Variants in LCOR observed in about 807,000 individuals in gnomAD.
LCOR encodes the protein ligand dependent nuclear receptor corepressor.
A neutral mutation model predicts 64.4 loss-of-function variants in LCOR; 14 were observed. The observed-to-expected ratio is 0.22, with a 90% confidence interval of 0.14 to 0.34. LCOR has a LOEUF of 0.34. Ranked by LOEUF, LCOR falls within the 10% of genes least tolerant of loss-of-function variation. LCOR has a pLI of 1.00. For synonymous variants in LCOR, 643 were observed against 642.5 expected (o/e 1.00, Z -0.01); for missense variants, 1,686 against 1,765.3 (o/e 0.96, Z 0.80).
intron 2 of LCOR, among the ~76,000 whole-genome samples, chr10:96,896,394 A>G (rs1392061058): frequency 2.6e-5 from 4 of 152,082 alleles, no homozygotes; most frequent in Non-Finnish European, 5.9e-5. Context: ...TTGCAAAGTA[A>G]TTTTATTAGT....
chr10:96,949,752 GAGAA>G (rs1335007203), intron 6 of LCOR, among the ~76,000 whole-genome samples: 4 of 152,138 alleles, frequency 2.6e-5, no homozygotes, highest in African/African-American at 7.2e-5. Context: ...TTCGAATTTT[GAGAA>G]AGAAACTGCT....
chr10:96,876,931 G>T (rs1392314299), intron 2 of LCOR, among the ~76,000 whole-genome samples: 2 of 152,152 alleles, frequency 1.3e-5, no homozygotes, highest in Non-Finnish European at 2.9e-5. Flanking sequence ...CTGACCTCAG[G>T]TGATCCACCT....
intron 4 of LCOR, among the ~76,000 whole-genome samples, chr10:96,941,200 A>C (rs1246190179): frequency 9.1e-4 from 57 of 62,930 alleles, no homozygotes; most frequent in African/African-American, 1.7e-3. Context: ...TGACCCCCCC[A>C]CCTCCCTCCC....
Position 96,981,653 on chromosome 10 carries a change from C to T in LCOR, c.1193C>T (p.Ser398Phe), listed in dbSNP as rs1848087972. The change falls in exon 8 of 8, where the codon TCT (serine) becomes TTT (phenylalanine). Residue 398 changes from serine (S) to phenylalanine (F), a missense_variant. Transcript: ENST00000421806. ...ARPKQENHLH[S>F]LGRNKVGYHL... is the part of the protein sequence containing the mutation. ...CCAAAGCAAGAGAACCATCTTCACT[C>T]TCTGGGAAGAAATAAGGTGGGTTAC... 5 of 1,614,218 alleles carry T rather than the reference C, an allele frequency of 3.1e-6. No homozygotes were observed. The highest frequency in any genetic ancestry group is 1.3e-5 in the African/African-American group (1 of 75,058).
chr10:96,847,439 CTTAT>C (rs993617449), intron 2 of LCOR, among the ~76,000 whole-genome samples: 27 of 149,392 alleles, frequency 1.8e-4, no homozygotes, highest in African/African-American at 5.6e-4. Context: ...TATTTACTTA[CTTAT>C]TTATTTATTT....
chr10:96,899,468 G>A (rs1251409855), intron 2 of LCOR, among the ~76,000 whole-genome samples: 1 of 151,954 alleles, frequency 6.6e-6, no homozygotes, highest in African/African-American at 2.4e-5. Flanking sequence ...GTAATGCATA[G>A]TTATTTTGAT....
intron 2 of LCOR, among the ~76,000 whole-genome samples, chr10:96,855,346 C>T (rs1845784928): frequency 8.9e-6 from 1 of 112,428 alleles, no homozygotes; most frequent in South Asian, 2.2e-4. Context: ...CCGATAATTA[C>T]CTTTTTTGCT....
At chr10:96,844,566 T>C (rs1180731614) in intron 2 of LCOR, among the ~76,000 whole-genome samples, 1 of 152,222 alleles carries the variant, frequency 6.6e-6, no homozygotes, top group East Asian at 1.9e-4. Context: ...CCTTGCCTCC[T>C]TCTCTTCAGC....
At chr10:96,874,622 G>A (rs1161841463) in intron 2 of LCOR, among the ~76,000 whole-genome samples, 1 of 151,878 alleles carries the variant, frequency 6.6e-6, no homozygotes, top group Non-Finnish European at 1.5e-5. Flanking sequence ...TACATGTAGA[G>A]TACCCTATGA....
chr10:96,950,562 GA>G (rs1178184840), intron 6 of LCOR, among the ~76,000 whole-genome samples: 1 of 152,046 alleles, frequency 6.6e-6, no homozygotes, highest in Non-Finnish European at 1.5e-5. Context: ...AACATAAAAT[GA>G]TACCACTTAA....
chr10:96,939,737 G>T (rs1564632010), intron 4 of LCOR, among the ~76,000 whole-genome samples: 1 of 152,224 alleles, frequency 6.6e-6, no homozygotes, highest in Admixed American at 6.5e-5. Context: ...GCCGAGGCGG[G>T]CGGATCACAA....
chr10:96,937,664 T>C (rs1847374330), intron 4 of LCOR, among the ~76,000 whole-genome samples: 1 of 152,272 alleles, frequency 6.6e-6, no homozygotes, highest in South Asian at 2.1e-4. Context: ...CACTGGCATA[T>C]TCTGTCAGAC....
intron 4 of LCOR, among the ~76,000 whole-genome samples, chr10:96,909,135 C>CT (rs1453599239): frequency 6.6e-6 from 1 of 152,008 alleles, no homozygotes; most frequent in Non-Finnish European, 1.5e-5. Flanking sequence ...TCTTAGTCTT[C>CT]TTCAGTCTCT....
intron 4 of LCOR, among the ~76,000 whole-genome samples, chr10:96,940,386 G>A (rs1250177756): frequency 8.7e-6 from 1 of 115,122 alleles, no homozygotes; most frequent in Non-Finnish European, 1.7e-5. Flanking sequence ...AGGGTCATAG[G>A]ACAACAGTGG....
chr10:96,961,720 G>A (rs960511629), intron 7 of LCOR: 1 of 152,040 alleles, frequency 6.6e-6, no homozygotes, highest in Non-Finnish European at 1.5e-5. Context: ...GTTGGGGGTA[G>A]TTGGACACAG....
intron 1 of LCOR, 129 bp from the exon 2 acceptor site, chr10:96,833,277 C>A: frequency 1.0e-6 from 1 of 953,132 alleles, no homozygotes; most frequent in Non-Finnish European, 1.2e-6. Context: ...CCTCCCGGAC[C>A]TTGGGCCGCC....
chr10:96,910,480 G>A (rs113407854), intron 4 of LCOR, among the ~76,000 whole-genome samples: 15 of 152,320 alleles, frequency 9.8e-5, no homozygotes, highest in African/African-American at 3.6e-4. Context: ...CAGATTTACA[G>A]TATTTCTTTA....
At chr10:96,884,738 T>G (rs991592979) in intron 2 of LCOR, among the ~76,000 whole-genome samples, 5 of 152,358 alleles carry the variant, frequency 3.3e-5, no homozygotes, top group Middle Eastern at 3.4e-3. Flanking sequence ...GAGTAAGGTC[T>G]AGGGTCTTAG....
At chr10:96,879,015 C>T (rs1185396333) in intron 2 of LCOR, among the ~76,000 whole-genome samples, 2 of 151,982 alleles carry the variant, frequency 1.3e-5, no homozygotes, top group Non-Finnish European at 2.9e-5. Context: ...AGGCTGGTCT[C>T]GAACTCCTGA....
Sources: allele counts gnomAD v4.1 joint callset (sites outside exome capture counted in the v4.1 genomes callset), GRCh38; gene constraint gnomAD v4.1.1; transcripts MANE v1.5; gene names NCBI Gene and HGNC (gene_info 2026-07-23, HGNC 2026-07-21).